The following PASK variants were observed in gnomAD, a reference collection of about 807,000 sequenced individuals.
PASK encodes the protein PAS domain containing serine/threonine kinase.
Under a neutral mutation model 121.0 loss-of-function variants are expected in PASK, and 110 were observed. That is an observed-to-expected ratio of 0.91 (90% CI 0.78 to 1.06). The LOEUF is 1.06. Among genes scored for constraint, PASK ranks in the 50% least tolerant of loss-of-function variants. The probability of loss-of-function intolerance (pLI) is 0.00; values close to 1 mark genes in which losing one functional copy is unlikely to be tolerated. For missense variants in PASK, 1,643 were observed against 1,702.3 expected, an observed-to-expected ratio of 0.97 and a Z score of 0.61; for synonymous variants, 686 against 717.8, an observed-to-expected ratio of 0.96 and a Z score of 0.71.
Position 241,108,451 on chromosome 2 carries a change from C to T in PASK, c.3534-151G>A. The T allele has an allele frequency of 1.3e-6, 1 of 772,704 alleles. No homozygotes were observed. The highest frequency in any genetic ancestry group is 2.2e-6 in the Non-Finnish European group (1 of 454,100). The allele number at this position is 772,704 out of a possible 1,614,324, so 47.9% of individuals were successfully genotyped here. A position where few individuals can be genotyped will look rare whatever the true frequency, so the allele number is the denominator to read the frequency against. The stretch of plus-strand genomic sequence containing the variant: ...GGTCACTCCACCCCTCAAACACGCC[C>T]TCCATTTCCACGCACTTCTGCCCCA... On this transcript the variant is annotated intron_variant, in intron 15 of 17. Transcript: ENST00000234040. The surrounding 1 kb of genome is among the most constrained non-coding windows in gnomAD (Gnocchi z 5.2).
chr2:241,128,353 G>A (rs1372555121), intron 9 of PASK, among the ~76,000 whole-genome samples: 2 of 152,212 alleles, frequency 1.3e-5, no homozygotes, highest in Non-Finnish European at 2.9e-5. Context: ...GCTCCTAAGA[G>A]GTGGCACACA....
rs1174915056 is a variant in PASK, at chr2:241,122,727, G to C, written c.3072+5C>G. 3 of 1,613,810 alleles carry C rather than the reference G, an allele frequency of 1.9e-6. No individual in the cohort carries two copies. Among genetic ancestry groups the C allele is most frequent in the Non-Finnish European group, 1.7e-6 (2 of 1,179,838 alleles). On this transcript the variant is annotated splice_donor_5th_base_variant and intron_variant, in intron 12 of 17. Transcript: ENST00000234040. ...GGCGCCACTCCCCCCCCACAGCCAG[G>C]TTACCTCCTTGTTTTTTTCCTTGTC...
chr2:241,143,153 G>T, intron 1 of PASK, 79 bp from the exon 2 acceptor site: 1 of 786,706 alleles, frequency 1.3e-6, no homozygotes, highest in East Asian at 2.7e-5. Context: ...TTATAATGCT[G>T]AGTTCAGCTC....
intron 9 of PASK, 171 bp from the exon 10 acceptor site, chr2:241,127,622 A>T: frequency 1.5e-6 from 1 of 657,246 alleles, no homozygotes; most frequent in Non-Finnish European, 2.7e-6. Flanking sequence ...CTTAGTCTCA[A>T]ATTTCTCCAA....
At chr2:241,117,393 G>A (rs558501653) in intron 12 of PASK, among the ~76,000 whole-genome samples, 7 of 152,334 alleles carry the variant, frequency 4.6e-5, no homozygotes, top group South Asian at 4.1e-4. Flanking sequence ...AGAAGCCTCC[G>A]GGAGGGCGGG....
At chr2:241,143,192 C>T in intron 1 of PASK, 118 bp from the exon 2 acceptor site, 1 of 682,218 alleles carries the variant, frequency 1.5e-6, no homozygotes. Context: ...CCACCAACCG[C>T]CATCCTGGGT....
chr2:241,110,100 A>G (rs532440100), intron 15 of PASK, among the ~76,000 whole-genome samples: 108 of 152,394 alleles, frequency 7.1e-4, no homozygotes, highest in Admixed American at 2.7e-3. Flanking sequence ...CAGCATATCC[A>G]GAAAACGCAA....
upstream of PASK, chr2:241,150,202 T>A: frequency 7.9e-7 from 1 of 1,273,244 alleles, no homozygotes; most frequent in African/African-American, 1.6e-5. Flanking sequence ...CCACTCCGTC[T>A]GCCTGCAGCT....
At chr2:241,148,993 G>T (rs1433545168) in intron 1 of PASK, among the ~76,000 whole-genome samples, 1 of 152,006 alleles carries the variant, frequency 6.6e-6, no homozygotes, top group Non-Finnish European at 1.5e-5. Flanking sequence ...CGCGGCGCCG[G>T]CTGAGCCCGC....
upstream of PASK, chr2:241,149,536 C>A: frequency 1.1e-6 from 1 of 931,272 alleles, no homozygotes; most frequent in Non-Finnish European, 1.6e-6. Context: ...ACGGACCAGC[C>A]ACTTGCGCGT....
Position 241,137,111 on chromosome 2 carries a change from T to C in PASK, c.1030A>G (p.Thr344Ala). The part of the protein sequence containing the change: ...GYRASVWVFC[T>A]ISGLITLLPD... ...AGGAGGGTGATGAGGCCACTGATGG[T>C]GCAGAACACCCAGACAGATGCCCGG... Residue 344 changes from threonine (T) to alanine (A), a missense_variant, in exon 7 of 18, where the codon ACC becomes GCC. Transcript: ENST00000234040. 1 of 1,613,684 alleles carries C rather than the reference T, an allele frequency of 6.2e-7. No individual in the cohort carries two copies. Among genetic ancestry groups the C allele is most frequent in the South Asian group, 1.1e-5 (1 of 91,076 alleles).
At chr2:241,113,231 C>T (rs1411129501) in intron 14 of PASK, 2 of 152,184 alleles carry the variant, frequency 1.3e-5, no homozygotes, top group African/African-American at 4.8e-5. Flanking sequence ...ATGGATGTAT[C>T]ATGTTGATCT....
chr2:241,115,741 G>GGGGCCACCGGTCCCCAAGCATCCCA (rs2065315905), intron 12 of PASK, among the ~76,000 whole-genome samples: 1 of 75,314 alleles, frequency 1.3e-5, no homozygotes, highest in Non-Finnish European at 2.4e-5. Flanking sequence ...CAAGCATCCC[G>GGGGCCACCGGTCCCCAAGCATCCCA]TTACACCAGG....
intron 12 of PASK, 48 bp downstream of exon 12, chr2:241,122,684 C>A: frequency 6.4e-7 from 1 of 1,566,300 alleles, no homozygotes; most frequent in Middle Eastern, 1.7e-4. Context: ...AAGTCGAGAG[C>A]CATGTGAAGT....
At chr2:241,118,194 T>C (rs1178528361) in intron 12 of PASK, among the ~76,000 whole-genome samples, 2 of 147,230 alleles carry the variant, frequency 1.4e-5, no homozygotes, top group African/African-American at 5.0e-5. Context: ...GCCAAAACAA[T>C]CTCAAAATAG....
chr2:241,142,794 G>GT (rs1464176984), intron 2 of PASK, 43 bp downstream of exon 2: 1 of 1,396,430 alleles, frequency 7.2e-7, no homozygotes, highest in South Asian at 1.2e-5. Flanking sequence ...CTCCACATTT[G>GT]TATTTCCACG....
In PASK at chr2:241,108,141, G is replaced by GTC. The variant is rs573511553; in HGVS notation, c.3667+24_3667+25dup. On this transcript the variant is annotated intron_variant, in intron 16 of 17. Transcript: ENST00000234040. The surrounding 1 kb of genome is among the most constrained non-coding windows in gnomAD (Gnocchi z 5.2). ...CTGGTCTCTAAGGACAGTGTCGACT[G>GTC]TCTACCACTTGCAGCTCACGCTCAC... 97 of 1,613,624 alleles carry GTC rather than the reference G, an allele frequency of 6.0e-5. No individual in the cohort carries two copies. The African/African-American group carries it at 1.0e-3, about 17-fold the overall frequency.
At chr2:241,146,379 TAAG>T (rs1353615319) in intron 1 of PASK, among the ~76,000 whole-genome samples, 8 of 151,560 alleles carry the variant, frequency 5.3e-5, no homozygotes, top group Admixed American at 1.3e-4. Flanking sequence ...TGCAAACAGA[TAAG>T]AAGACACCAG....
At chr2:241,119,502 C>A (rs2065514518) in intron 12 of PASK, among the ~76,000 whole-genome samples, 1 of 144,982 alleles carries the variant, frequency 6.9e-6, no homozygotes, top group African/African-American at 2.7e-5. Context: ...AAGAGTCTTG[C>A]TCTGTCGCCC....
Sources: gnomAD v4.1 joint callset for allele counts (sites outside exome capture counted in the v4.1 genomes callset) on GRCh38, gnomAD v4.1.1 for gene constraint, Gnocchi (gnomAD v3.1) non-coding constraint, MANE v1.5 for transcripts, NCBI Gene and HGNC (gene_info 2026-07-23, HGNC 2026-07-21) for gene names.